PECR: variants seen among roughly 807,000 people sequenced by gnomAD.
PECR encodes peroxisomal trans-2-enoyl-CoA reductase.
In PECR, 30 loss-of-function variants were observed where a neutral mutation model predicts 35.3. That is an observed-to-expected ratio of 0.85 (90% CI 0.64 to 1.15). The LOEUF (loss-of-function observed/expected upper bound fraction) is 1.15. Among genes scored for constraint, PECR ranks in the 50% most tolerant of loss-of-function variants. The pLI is 0.00. For missense variants in PECR, 392 were observed against 370.8 expected, an observed-to-expected ratio of 1.06 and a Z score of -0.47; for synonymous variants, 148 against 138.9, an observed-to-expected ratio of 1.07 and a Z score of -0.46.
intron 7 of PECR, among the ~76,000 whole-genome samples, chr2:216,040,216 T>C (rs1273179261): frequency 6.6e-6 from 1 of 152,210 alleles, no homozygotes; most frequent in East Asian, 1.9e-4. Context: ...GATGAGCCCA[T>C]TTTGAGTTGT....
chr2:216,078,230 C>T (rs879598501), intron 1 of PECR, among the ~76,000 whole-genome samples: 20 of 151,958 alleles, frequency 1.3e-4, no homozygotes, highest in South Asian at 2.1e-4. Context: ...ACTGGAGGTC[C>T]GAGTTCAAGA....
chr2:216,078,602 A>AG (rs1695761484), intron 1 of PECR, among the ~76,000 whole-genome samples: 1 of 151,862 alleles, frequency 6.6e-6, no homozygotes, highest in African/African-American at 2.4e-5. Context: ...AAAAAAAAAA[A>AG]GAAAAAGATT....
Position 216,030,389 on chromosome 2 carries a change from C to G in PECR, c.*440+8802G>C, listed in dbSNP as rs568831765. On this transcript the variant is annotated intron_variant and NMD_transcript_variant, in intron 7 of 7. Coordinates refer to the PECR transcript ENST00000442122. ...TCTTGAACAAGTTTCTTGACCTGTT[C>G]ATGCCAGTTTCCTCAACTGTAAAAT... Among the ~76,000 whole-genome samples, 10 of 152,266 alleles carry G rather than the reference C, an allele frequency of 6.6e-5. No homozygotes were observed. The South Asian group carries it at 2.1e-3, about 32-fold the overall frequency.
intron 1 of PECR, among the ~76,000 whole-genome samples, chr2:216,069,760 A>G (rs1695549781): frequency 2.0e-5 from 3 of 151,764 alleles, no homozygotes; most frequent in African/African-American, 7.3e-5. Flanking sequence ...ACATGGCAAA[A>G]CCCCTTTTCT....
At chr2:216,049,816 C>A (rs111681515) in intron 5 of PECR, among the ~76,000 whole-genome samples, 4 of 152,262 alleles carry the variant, frequency 2.6e-5, no homozygotes, top group African/African-American at 7.2e-5. Flanking sequence ...AGATTGAAAT[C>A]GCAAATAAAG....
intron 7 of PECR, among the ~76,000 whole-genome samples, chr2:216,039,853 A>G (rs947148098): frequency 1.3e-5 from 2 of 152,216 alleles, no homozygotes; most frequent in Non-Finnish European, 2.9e-5. Context: ...CATGTGGTCT[A>G]AGCTAAGTCA....
At chr2:216,064,764 T>C (rs1695430684) in intron 3 of PECR, among the ~76,000 whole-genome samples, 1 of 152,148 alleles carries the variant, frequency 6.6e-6, no homozygotes, top group African/African-American at 2.4e-5. Context: ...TGAAGACCCT[T>C]TGAGATAGGG....
chr2:216,044,161 A>G, intron 6 of PECR, 146 bp from the exon 7 acceptor site: 4 of 663,680 alleles, frequency 6.0e-6, no homozygotes. Flanking sequence ...ACCTCACAGT[A>G]CATAGACAAC....
At chr2:216,029,652 T>C (rs563423789) in intron 7 of PECR, among the ~76,000 whole-genome samples, 2 of 152,356 alleles carry the variant, frequency 1.3e-5, no homozygotes, top group East Asian at 1.9e-4. Context: ...TGCTAAGTCA[T>C]GCTCACAAAC....
chr2:216,029,751 C>T (rs1276168174), intron 7 of PECR, among the ~76,000 whole-genome samples: 8 of 152,188 alleles, frequency 5.3e-5, no homozygotes, highest in African/African-American at 1.9e-4. Context: ...CCAGTATTTC[C>T]CTTCAGGCAA....
intron 1 of PECR, among the ~76,000 whole-genome samples, chr2:216,077,723 C>T (rs537045039): frequency 5.3e-5 from 8 of 150,492 alleles, no homozygotes; most frequent in East Asian, 2.0e-4. Flanking sequence ...AGAAGAATCG[C>T]TTGAACCTGG....
chr2:216,057,278 A>T (rs944932488), intron 4 of PECR, among the ~76,000 whole-genome samples: 1 of 152,202 alleles, frequency 6.6e-6, no homozygotes, highest in Admixed American at 6.5e-5. Flanking sequence ...GGTTGGAAAC[A>T]ACCCAAATGC....
intron 1 of PECR, 25 bp downstream of exon 1, chr2:216,081,593 C>A (rs777644586): frequency 6.2e-7 from 1 of 1,613,762 alleles, no homozygotes; most frequent in Non-Finnish European, 8.5e-7. Context: ...AGCCACCTCT[C>A]TGCACCAGCG....
At chr2:216,059,536 A>G (rs779015670) in intron 3 of PECR, among the ~76,000 whole-genome samples, 5 of 152,198 alleles carry the variant, frequency 3.3e-5, no homozygotes, top group Non-Finnish European at 5.9e-5. Flanking sequence ...GCAATTATGA[A>G]TACAAATCTT....
chr2:216,033,095 C>G (rs539250737), intron 7 of PECR: 1 of 152,106 alleles, frequency 6.6e-6, no homozygotes, highest in East Asian at 1.9e-4. Context: ...CTAAACTTAC[C>G]CAAGATTGAG....
intron 3 of PECR, among the ~76,000 whole-genome samples, chr2:216,059,924 G>T (rs376239420): frequency 2.0e-5 from 3 of 152,294 alleles, no homozygotes; most frequent in East Asian, 3.9e-4. Flanking sequence ...GGATCAGTTT[G>T]TTAATTTCTA....
intron 7 of PECR, chr2:216,032,992 C>T (rs900102855): frequency 9.9e-5 from 15 of 152,204 alleles, no homozygotes; most frequent in Admixed American, 4.6e-4. Context: ...CAACCAACCA[C>T]AATTATTTGA....
intron 1 of PECR, among the ~76,000 whole-genome samples, chr2:216,079,362 T>A (rs184242837): frequency 6.6e-6 from 1 of 151,882 alleles, no homozygotes; most frequent in Admixed American, 6.6e-5. Flanking sequence ...CATTTTTGCA[T>A]ATGTAATACT....
intron 1 of PECR, among the ~76,000 whole-genome samples, chr2:216,074,545 G>A (rs201616157): frequency 4.4e-4 from 53 of 121,558 alleles, no homozygotes; most frequent in African/African-American, 1.3e-3. Flanking sequence ...AGGAAGAAAG[G>A]AAGGAAGGAA....
Sources: gnomAD v4.1 joint callset for allele counts (sites outside exome capture counted in the v4.1 genomes callset) on GRCh38, gnomAD v4.1.1 for gene constraint, MANE v1.5 for transcripts, NCBI Gene and HGNC (gene_info 2026-07-23, HGNC 2026-07-21) for gene names.